KAZN: variants seen among roughly 807,000 people sequenced by gnomAD.
KAZN encodes the protein kazrin, periplakin interacting protein.
In KAZN, 40 loss-of-function variants were observed where a neutral mutation model predicts 87.4. The observed-to-expected ratio is 0.46, with a 90% CI of 0.36 to 0.60. The LOEUF is 0.60. KAZN is among the 20% of genes least tolerant of loss of function. The probability of loss-of-function intolerance (pLI) is 0.00; values close to 1 mark genes in which losing one functional copy is unlikely to be tolerated. For missense variants in KAZN, 898 were observed against 1,073.9 expected, an observed-to-expected ratio of 0.84 and a Z score of 2.29; for synonymous variants, 466 against 458.3, an observed-to-expected ratio of 1.02 and a Z score of -0.22.
At chr1:14,558,194 G>T (rs1382306053) in intron 2 of KAZN, among the ~76,000 whole-genome samples, 2 of 152,220 alleles carry the variant, frequency 1.3e-5, no homozygotes, top group Non-Finnish European at 2.9e-5. Context: ...CAAAGAACTT[G>T]TCCCCAGTTG....
intron 2 of KAZN, among the ~76,000 whole-genome samples, chr1:14,275,693 A>G (rs924067368): frequency 2.6e-5 from 4 of 152,210 alleles, no homozygotes; most frequent in African/African-American, 9.7e-5. Context: ...TATACATTTT[A>G]GAGCCAATAG....
At chr1:14,450,238 G>T (rs931916369) in intron 2 of KAZN, among the ~76,000 whole-genome samples, 1 of 152,132 alleles carries the variant, frequency 6.6e-6, no homozygotes. Flanking sequence ...GCTTCCAAAT[G>T]ATTTGAGGAA....
At chr1:14,583,962 A>C (rs1675701731) in intron 2 of KAZN, among the ~76,000 whole-genome samples, 1 of 152,200 alleles carries the variant, frequency 6.6e-6, no homozygotes, top group Non-Finnish European at 1.5e-5. Flanking sequence ...AGTCTGAATG[A>C]GTGGCCTAGA....
At chr1:14,266,714 C>A (rs117755675) in intron 2 of KAZN, among the ~76,000 whole-genome samples, 1 of 152,074 alleles carries the variant, frequency 6.6e-6, no homozygotes, top group Non-Finnish European at 1.5e-5. Flanking sequence ...ACACTCGCAC[C>A]CCCCCACACT....
chr1:14,921,942 C>A (rs564249106), intron 1 of KAZN, among the ~76,000 whole-genome samples: 1 of 152,130 alleles, frequency 6.6e-6, no homozygotes, highest in African/African-American at 2.4e-5. Flanking sequence ...GAACTCTTGA[C>A]GTCAAGTCAC....
At chr1:15,085,609 T>C (rs1039166740) in intron 8 of KAZN, among the ~76,000 whole-genome samples, 32 of 152,056 alleles carry the variant, frequency 2.1e-4, no homozygotes, top group Non-Finnish European at 1.2e-4. Flanking sequence ...ATTACAGGCG[T>C]GAGCCACCAC....
At position 14,971,775 on chromosome 1, in the gene KAZN, G is replaced by A. The variant is rs72869246; in HGVS notation, c.418+10900G>A. On this transcript the variant is annotated intron_variant, in intron 2 of 14. Coordinates refer to ENST00000376030, the MANE Select transcript of KAZN (RefSeq NM_201628.3). ...CTGCTCACTGCAAGCTCCGCCTCCC[G>A]GGTTCACACCATTCGGCACCAGGAG... is the stretch of plus-strand genomic sequence containing the variant. 1.5e-3 allele frequency among the ~76,000 whole-genome samples: 224 copies of A among 146,724 alleles called. 1 individual carries two copies. The highest frequency in any genetic ancestry group is 4.8e-3 in the African/African-American group (194 of 40,406).
intron 1 of KAZN, among the ~76,000 whole-genome samples, chr1:13,983,152 G>A (rs945757653): frequency 3.9e-5 from 6 of 152,386 alleles, no homozygotes; most frequent in South Asian, 4.1e-4. Flanking sequence ...GCAGTCCCGC[G>A]CCCTGCGCCT....
intron 1 of KAZN, among the ~76,000 whole-genome samples, chr1:14,935,230 GTTCTTTCTTTTTTCT>G (rs1660312671): frequency 6.6e-6 from 1 of 152,222 alleles, no homozygotes; most frequent in Non-Finnish European, 1.5e-5. Flanking sequence ...GGGTACAGTG[GTTCTTTCTTTTTTCT>G]TTCTTTCTTT....
At chr1:15,073,571 G>C (rs930442825) in intron 8 of KAZN, among the ~76,000 whole-genome samples, 2 of 152,292 alleles carry the variant, frequency 1.3e-5, no homozygotes, top group Admixed American at 6.5e-5. Context: ...AGGCCCCGCT[G>C]AGCAGAGGGG....
chr1:14,170,610 G>A (rs1393459685), intron 1 of KAZN, among the ~76,000 whole-genome samples: 1 of 152,206 alleles, frequency 6.6e-6, no homozygotes, highest in Non-Finnish European at 1.5e-5. Context: ...TCACAGTGTT[G>A]TATAACCATC....
At chr1:14,101,254 A>G (rs1557475977) in intron 1 of KAZN, among the ~76,000 whole-genome samples, 1 of 152,118 alleles carries the variant, frequency 6.6e-6, no homozygotes, top group East Asian at 1.9e-4. Context: ...GCTCATAACC[A>G]CTGCACCACT....
At chr1:13,986,458 G>C (rs751050054) in intron 1 of KAZN, among the ~76,000 whole-genome samples, 1 of 152,172 alleles carries the variant, frequency 6.6e-6, no homozygotes, top group African/African-American at 2.4e-5. Flanking sequence ...CAGAGAGAAG[G>C]AAAAATTATC....
intron 1 of KAZN, among the ~76,000 whole-genome samples, chr1:14,870,164 A>G (rs1167823200): frequency 6.6e-6 from 1 of 152,138 alleles, no homozygotes; most frequent in Non-Finnish European, 1.5e-5. Context: ...TTCCTTGAAC[A>G]TGGAGTCTAG....
At chr1:14,165,580 C>T (rs1645808257) in intron 1 of KAZN, among the ~76,000 whole-genome samples, 1 of 152,128 alleles carries the variant, frequency 6.6e-6, no homozygotes, top group Non-Finnish European at 1.5e-5. Flanking sequence ...CCATTGACAC[C>T]AGGTGTTGAA....
chr1:14,251,723 ACTGCAGCCTTGACCTCTTGGG>A (rs1650062679), intron 2 of KAZN, among the ~76,000 whole-genome samples: 1 of 138,854 alleles, frequency 7.2e-6, no homozygotes, highest in Non-Finnish European at 1.5e-5. Context: ...ATCATGGCTC[ACTGCAGCCTTGACCTCTTGGG>A]CTCAAGCAAT....
intron 2 of KAZN, among the ~76,000 whole-genome samples, chr1:14,474,238 T>C (rs548349817): frequency 3.3e-5 from 5 of 152,136 alleles, no homozygotes; most frequent in Admixed American, 3.3e-4. Context: ...ATAAGGGAGA[T>C]AAGAGTTTAG....
intron 2 of KAZN, among the ~76,000 whole-genome samples, chr1:14,992,345 A>G (rs1046454956): frequency 6.6e-6 from 1 of 152,128 alleles, no homozygotes; most frequent in African/African-American, 2.4e-5. Context: ...ATGCCCAGGG[A>G]GCATCCAGGG....
At chr1:14,268,306 G>A (rs959620815) in intron 2 of KAZN, among the ~76,000 whole-genome samples, 19 of 152,296 alleles carry the variant, frequency 1.2e-4, no homozygotes, top group South Asian at 4.1e-4. Context: ...TCCAAGGCCC[G>A]TTGCAGTGCC....
Sources: gnomAD v4.1 joint callset for allele counts (sites outside exome capture counted in the v4.1 genomes callset) on GRCh38, gnomAD v4.1.1 for gene constraint, MANE v1.5 for transcripts, NCBI Gene and HGNC (gene_info 2026-07-23, HGNC 2026-07-21) for gene names.